Variants in ANO1 observed in about 807,000 individuals in gnomAD.
The protein encoded by ANO1 is anoctamin-1.
In ANO1, 59 loss-of-function variants were observed where a neutral mutation model predicts 124.0. That is an observed-to-expected ratio of 0.48 (90% CI 0.39 to 0.59). The LOEUF is 0.59. Among genes scored for constraint, ANO1 ranks in the 20% least tolerant of loss-of-function variants. The probability of loss-of-function intolerance (pLI) is 0.00; values close to 1 mark genes in which losing one functional copy is unlikely to be tolerated. For missense variants in ANO1, 1,059 were observed against 1,328.0 expected (o/e 0.80, Z 3.15); for synonymous variants, 529 against 532.0 (o/e 0.99, Z 0.08).
Position 70,171,016 on chromosome 11 carries a change from T to C in ANO1, c.2327T>C (p.Val776Ala), listed in dbSNP as rs1354882808. The C allele has an allele frequency of 6.2e-7, 1 of 1,612,376 alleles. No individual in the cohort carries two copies. The highest frequency in any genetic ancestry group is 8.5e-7 in the Non-Finnish European group (1 of 1,179,306). ...KKFVTELRRP[V>A]AVRAKDIGIW... ...TTTGTCACTGAGCTCCGAAGGCCGG[T>C]AGCTGTCAGAGCCAAAGACATCGGT... Residue 776 changes from valine (V) to alanine (A), a missense_variant, in exon 22 of 26, where the codon GTA becomes GCA. By Grantham distance (64) the Val-to-Ala change is moderately conservative (BLOSUM62 0). This residue lies in a region of ANO1 where 809 missense variants were observed against 1,094.9 expected (regional missense o/e 0.74). Coordinates refer to ENST00000355303, the MANE Select transcript of ANO1 (RefSeq NM_018043.7).
At chr11:70,095,398 G>GAA (rs1340182563) in intron 2 of ANO1, among the ~76,000 whole-genome samples, 3 of 45,206 alleles carry the variant, frequency 6.6e-5, no homozygotes, top group African/African-American at 1.2e-4. Context: ...AAGAAAGAAA[G>GAA]AAAGAAAGAA....
intron 8 of ANO1, among the ~76,000 whole-genome samples, chr11:70,122,588 T>G (rs1180474021): frequency 6.7e-6 from 1 of 149,730 alleles, no homozygotes; most frequent in Non-Finnish European, 1.5e-5. Context: ...CCTCCCCACC[T>G]CTCTCTGTCT....
At chr11:70,149,822 G>T in intron 12 of ANO1, 30 bp downstream of exon 12, 1 of 1,608,204 alleles carries the variant, frequency 6.2e-7, no homozygotes, top group Non-Finnish European at 8.5e-7. Flanking sequence ...TGCATATCAC[G>T]CCCTTCCCCC....
chr11:69,970,239 G>A, the ANO1 span, among the ~76,000 whole-genome samples: 5 of 152,174 alleles, frequency 3.3e-5, no homozygotes, highest in Admixed American at 2.0e-4. Context: ...TCAGAAGCCC[G>A]AGCAGAACCC....
At chr11:70,087,177 G>T (rs1411894078) in intron 1 of ANO1, among the ~76,000 whole-genome samples, 1 of 152,126 alleles carries the variant, frequency 6.6e-6, no homozygotes, top group Non-Finnish European at 1.5e-5. Flanking sequence ...TATTTATGGG[G>T]TACATGAGAT....
At chr11:70,071,786 G>T (rs1225690179) in intron 1 of ANO1, among the ~76,000 whole-genome samples, 1 of 151,978 alleles carries the variant, frequency 6.6e-6, no homozygotes, top group Non-Finnish European at 1.5e-5. Context: ...ACCATGCCTG[G>T]CTAATTTTTT....
chr11:70,088,238 G>C (rs190770933), intron 2 of ANO1, among the ~76,000 whole-genome samples, 154 bp downstream of exon 2: 2 of 152,110 alleles, frequency 1.3e-5, no homozygotes, highest in South Asian at 2.1e-4. Flanking sequence ...CGGGCCAGAC[G>C]CAGTGGCTCA....
At chr11:69,970,656 G>A in the ANO1 span, among the ~76,000 whole-genome samples, 1 of 152,172 alleles carries the variant, frequency 6.6e-6, no homozygotes, top group Admixed American at 6.5e-5. Flanking sequence ...CGCAGGGAGT[G>A]GGGACCCAGG....
chr11:70,156,905 G>A (rs370424758), intron 15 of ANO1, 42 bp from the exon 16 acceptor site: 119 of 1,588,934 alleles, frequency 7.5e-5, no homozygotes, highest in Admixed American at 1.4e-4. Flanking sequence ...ATGTCTCATC[G>A]TGATGGTTCC....
the ANO1 span, among the ~76,000 whole-genome samples, chr11:69,976,986 A>T: frequency 1.3e-5 from 2 of 152,208 alleles, no homozygotes. Context: ...ATGGATGAGA[A>T]TTCTGCTGAG....
rs1314088893 is a variant in ANO1, at chr11:70,182,653, C to T, written c.2555C>T (p.Pro852Leu). Reference sequence around the variant, plus strand: ...CAGAACGGCACGGCCCCCAATGACCCCCTGGACCTGGGCTACGAGGTGCAG... The same window carrying T: ...CAGAACGGCACGGCCCCCAATGACCTCCTGGACCTGGGCTACGAGGTGCAG... ...DFQNGTAPND[P>L]LDLGYEVQIC... The change falls in exon 24 of 26, where the codon CCC becomes CTC. Residue 852 changes from proline to leucine, a missense_variant. Coordinates refer to ENST00000355303, the MANE Select transcript of ANO1 (RefSeq NM_018043.7). 6.2e-7 allele frequency: 1 copy of T among 1,609,330 alleles called. No homozygotes were observed. Among genetic ancestry groups the T allele is most frequent in the Admixed American group, 1.7e-5 (1 of 59,422 alleles).
At chr11:69,991,673 A>G (rs1856157827) in intron 1 of ANO1, among the ~76,000 whole-genome samples, 1 of 152,242 alleles carries the variant, frequency 6.6e-6, no homozygotes, top group Admixed American at 6.5e-5. Context: ...ATCAAACTAA[A>G]CAGACATAGA....
chr11:70,057,594 G>T (rs1182273928), intron 1 of ANO1, among the ~76,000 whole-genome samples: 1 of 152,180 alleles, frequency 6.6e-6, no homozygotes, highest in African/African-American at 2.4e-5. Context: ...TACAGTTAAA[G>T]GGGGTTTTCT....
At chr11:69,978,646 C>T in the ANO1 span, among the ~76,000 whole-genome samples, 8 of 152,292 alleles carry the variant, frequency 5.3e-5, no homozygotes, top group East Asian at 5.8e-4. Flanking sequence ...CTACCGCACC[C>T]TGCCCAGGCC....
intron 7 of ANO1, among the ~76,000 whole-genome samples, chr11:70,114,392 T>C (rs955563778): frequency 6.6e-6 from 1 of 152,248 alleles, no homozygotes; most frequent in African/African-American, 2.4e-5. Flanking sequence ...TGACTGGTTC[T>C]GGCCTGAGCC....
chr11:70,050,578 C>T (rs782551520), intron 1 of ANO1, among the ~76,000 whole-genome samples: 5 of 152,206 alleles, frequency 3.3e-5, no homozygotes, highest in African/African-American at 4.8e-5. Flanking sequence ...TGCTGCACCA[C>T]TGTTGGGGGC....
chr11:70,125,776 G>A (rs1254980496), intron 9 of ANO1, among the ~76,000 whole-genome samples: 2 of 151,208 alleles, frequency 1.3e-5, no homozygotes, highest in African/African-American at 2.4e-5. Context: ...CGCGGGAGGT[G>A]GAGCTTGCAG....
intron 11 of ANO1, among the ~76,000 whole-genome samples, chr11:70,147,076 C>G (rs764764968): frequency 2.0e-5 from 3 of 152,254 alleles, no homozygotes; most frequent in Admixed American, 6.5e-5. Flanking sequence ...ACCATCACAG[C>G]GGGTAAACAG....
At chr11:70,085,571 T>A in intron 1 of ANO1, 1 of 1,535,914 alleles carries the variant, frequency 6.5e-7, no homozygotes, top group Non-Finnish European at 8.7e-7. Flanking sequence ...AGGAGAGGCA[T>A]CCTAGGGCCA....
Sources: allele counts gnomAD v4.1 joint callset (sites outside exome capture counted in the v4.1 genomes callset), GRCh38; gene constraint gnomAD v4.1.1; regional missense constraint gnomAD v4.1.1; transcripts MANE v1.5; gene names NCBI Gene and HGNC (gene_info 2026-07-23, HGNC 2026-07-21).